The following MGAT5 variants were observed in gnomAD, a reference collection of about 807,000 sequenced individuals.
MGAT5 encodes alpha-1,6-mannosylglycoprotein 6-beta-N-acetylglucosaminyltransferase, also known as alpha-1,6-mannosylglycoprotein 6-beta-N-acetylglucosaminyltransferase A.
A neutral mutation model predicts 94.3 loss-of-function variants in MGAT5; 30 were observed. The ratio of observed to expected loss-of-function variants is 0.32; its 90% CI spans 0.24 to 0.43. The LOEUF is 0.43. Among genes scored for constraint, MGAT5 ranks in the 20% least tolerant of loss-of-function variants. MGAT5 has a pLI of 1.00. For missense variants in MGAT5, 691 were observed against 905.5 expected (o/e 0.76, Z 3.04); for synonymous variants, 310 against 322.9 (o/e 0.96, Z 0.43).
chr2:134,131,433 C>G (rs1686159012), intron 1 of MGAT5, among the ~76,000 whole-genome samples: 1 of 152,208 alleles, frequency 6.6e-6, no homozygotes, highest in Admixed American at 6.5e-5. Context: ...ATTCTTTTCA[C>G]TCTGCTTTTC....
chr2:134,309,210 TCTG>T (rs752697998), intron 2 of MGAT5, among the ~76,000 whole-genome samples: 18 of 152,294 alleles, frequency 1.2e-4, no homozygotes, highest in Middle Eastern at 3.4e-3. Context: ...CCATATTTGG[TCTG>T]TTAATTGGAT....
At chr2:134,358,864 T>C (rs1269401035) in intron 9 of MGAT5, among the ~76,000 whole-genome samples, 2 of 152,242 alleles carry the variant, frequency 1.3e-5, no homozygotes, top group Non-Finnish European at 1.5e-5. Context: ...TCAATACTTA[T>C]CATATAAGCT....
chr2:134,128,715 C>T (rs889994662), intron 1 of MGAT5, among the ~76,000 whole-genome samples: 5 of 152,036 alleles, frequency 3.3e-5, no homozygotes, highest in African/African-American at 9.7e-5. Flanking sequence ...TGTGTCACCA[C>T]GCCTGGCTAA....
chr2:134,120,376 G>C, intron 1 of MGAT5: 1 of 372,278 alleles, frequency 2.7e-6, no homozygotes, highest in Non-Finnish European at 4.8e-6. Flanking sequence ...ACCGCGGGGG[G>C]CACGGGGAAC....
At chr2:134,348,113 C>T (rs574713063) in intron 8 of MGAT5, among the ~76,000 whole-genome samples, 7 of 152,006 alleles carry the variant, frequency 4.6e-5, no homozygotes, top group Non-Finnish European at 1.0e-4. Flanking sequence ...TTTTTTTAAA[C>T]GGAAAAATAT....
At chr2:134,422,973 A>T in intron 13 of MGAT5, 54 bp downstream of exon 13, 1 of 1,286,390 alleles carries the variant, frequency 7.8e-7, no homozygotes, top group Non-Finnish European at 1.1e-6. Context: ...TGAAATGTGT[A>T]TAAAACACAT....
At chr2:134,380,240 A>G (rs1303139374) in intron 10 of MGAT5, among the ~76,000 whole-genome samples, 2 of 152,184 alleles carry the variant, frequency 1.3e-5, no homozygotes, top group Non-Finnish European at 2.9e-5. Context: ...TACTTACCTC[A>G]TGGGATTGTG....
intron 2 of MGAT5, among the ~76,000 whole-genome samples, chr2:134,282,425 G>T (rs958859950): frequency 6.6e-6 from 1 of 152,210 alleles, no homozygotes. Flanking sequence ...ATAGTGCTGT[G>T]TTTTCAAAAG....
intron 1 of MGAT5, among the ~76,000 whole-genome samples, chr2:134,193,657 C>T (rs934279443): frequency 1.3e-5 from 2 of 150,754 alleles, no homozygotes; most frequent in Non-Finnish European, 2.9e-5. Context: ...TCTCCCCTCT[C>T]TTACATACCC....
upstream of MGAT5, among the ~76,000 whole-genome samples, chr2:134,252,529 A>G (rs1682673611): frequency 6.6e-6 from 1 of 152,300 alleles, no homozygotes; most frequent in African/African-American, 2.4e-5. Context: ...TTGTTAAAGG[A>G]TAGGCTGTGG....
At chr2:134,406,548 A>G (rs185152427) in intron 11 of MGAT5, among the ~76,000 whole-genome samples, 1 of 152,188 alleles carries the variant, frequency 6.6e-6, no homozygotes, top group East Asian at 1.9e-4. Context: ...CCCCCCACCA[A>G]CTATGTCTCT....
chr2:134,416,694 A>G (rs1468045271), intron 12 of MGAT5, among the ~76,000 whole-genome samples: 1 of 149,044 alleles, frequency 6.7e-6, no homozygotes, highest in East Asian at 2.0e-4. Context: ...CTGATCTTGA[A>G]CTCCTGGACT....
chr2:134,366,385 T>C (rs1201240592), intron 10 of MGAT5, among the ~76,000 whole-genome samples: 1 of 152,226 alleles, frequency 6.6e-6, no homozygotes, highest in Non-Finnish European at 1.5e-5. Flanking sequence ...AATCTTCAAG[T>C]GATGGTGCAG....
At chr2:134,294,282 G>T (rs923148202) in intron 2 of MGAT5, among the ~76,000 whole-genome samples, 1 of 152,088 alleles carries the variant, frequency 6.6e-6, no homozygotes, top group Non-Finnish European at 1.5e-5. Context: ...GTAACTTTTT[G>T]TTTTCAGTGT....
intron 1 of MGAT5, among the ~76,000 whole-genome samples, chr2:134,189,605 T>TTTTTTTTTTTTTTTG (rs1689250828): frequency 9.4e-6 from 1 of 106,626 alleles, no homozygotes; most frequent in Non-Finnish European, 1.9e-5. Context: ...TTTTTTTGTT[T>TTTTTTTTTTTTTTTG]TTTTTTTTTT....
chr2:134,333,917 A>G (rs577225374), intron 4 of MGAT5, among the ~76,000 whole-genome samples: 1 of 152,104 alleles, frequency 6.6e-6, no homozygotes, highest in Non-Finnish European at 1.5e-5. Flanking sequence ...CCTTCTCCCC[A>G]TGGGATAATT....
chr2:134,295,820 C>A (rs765254677), intron 2 of MGAT5, among the ~76,000 whole-genome samples: 1 of 152,062 alleles, frequency 6.6e-6, no homozygotes, highest in Non-Finnish European at 1.5e-5. Context: ...AACAGATACT[C>A]CCCTGTCTTA....
At chr2:134,160,307 G>A (rs1050725216) in intron 1 of MGAT5, among the ~76,000 whole-genome samples, 2 of 152,170 alleles carry the variant, frequency 1.3e-5, no homozygotes, top group Non-Finnish European at 2.9e-5. Flanking sequence ...CCGAGCAGCC[G>A]GGACTACAGG....
At chr2:134,400,246 C>T (rs971144855) in intron 10 of MGAT5, among the ~76,000 whole-genome samples, 5 of 152,138 alleles carry the variant, frequency 3.3e-5, no homozygotes, top group African/African-American at 1.2e-4. Flanking sequence ...TCATCTGCAC[C>T]AGGATTCTAC....
Sources: gnomAD v4.1 joint callset for allele counts (sites outside exome capture counted in the v4.1 genomes callset) on GRCh38, gnomAD v4.1.1 for gene constraint, MANE v1.5 for transcripts, NCBI Gene and HGNC (gene_info 2026-07-23, HGNC 2026-07-21) for gene names.